Variants in PEBP4 observed in about 807,000 individuals in gnomAD.
The protein encoded by PEBP4 is phosphatidylethanolamine-binding protein 4.
Under a neutral mutation model 23.9 loss-of-function variants are expected in PEBP4, and 22 were observed. That is an observed-to-expected ratio of 0.92 (90% CI 0.66 to 1.31). The LOEUF (loss-of-function observed/expected upper bound fraction) is 1.31. PEBP4 is among the 40% of genes most tolerant of loss of function. PEBP4 has a pLI of 0.00. For synonymous variants in PEBP4, 112 were observed against 99.3 expected (o/e 1.13, Z -0.76); for missense variants, 324 against 281.7 (o/e 1.15, Z -1.07).
intron 3 of PEBP4, among the ~76,000 whole-genome samples, chr8:22,841,065 C>T (rs1476302077): frequency 6.6e-6 from 1 of 152,220 alleles, no homozygotes; most frequent in Non-Finnish European, 1.5e-5. Flanking sequence ...CCCTCATATC[C>T]CCTGACGCAT....
chr8:22,794,357 T>C (rs917474932), intron 4 of PEBP4, among the ~76,000 whole-genome samples: 2 of 152,148 alleles, frequency 1.3e-5, no homozygotes, highest in African/African-American at 2.4e-5. Flanking sequence ...AGTAGCTCAA[T>C]CTCTGCTCAC....
upstream of PEBP4, among the ~76,000 whole-genome samples, chr8:22,929,861 G>A (rs897261865): frequency 2.6e-5 from 4 of 152,096 alleles, no homozygotes; most frequent in Non-Finnish European, 4.4e-5. Context: ...GGCACACCAC[G>A]GCTCTGGCTA....
intron 3 of PEBP4, among the ~76,000 whole-genome samples, chr8:22,897,405 CTA>C (rs1477292114): frequency 6.6e-6 from 1 of 152,152 alleles, no homozygotes; most frequent in Admixed American, 6.5e-5. Flanking sequence ...AAAGGACACA[CTA>C]TGTGGAGTAC....
At chr8:22,870,846 C>T (rs1404201157) in intron 3 of PEBP4, among the ~76,000 whole-genome samples, 8 of 152,172 alleles carry the variant, frequency 5.3e-5, no homozygotes, top group Non-Finnish European at 1.2e-4. Context: ...TACTTCTCAC[C>T]TATCCAGAGA....
intron 4 of PEBP4, among the ~76,000 whole-genome samples, chr8:22,791,451 C>T (rs1478329069): frequency 6.6e-6 from 1 of 152,034 alleles, no homozygotes; most frequent in East Asian, 1.9e-4. Context: ...TGACACCATC[C>T]AAATTCTATT....
intron 4 of PEBP4, chr8:22,757,316 T>C (rs1020613100): frequency 1.3e-5 from 2 of 152,262 alleles, no homozygotes; most frequent in African/African-American, 4.8e-5. Flanking sequence ...TCTGACACAC[T>C]GCCTTCCCAT....
At chr8:22,717,613 C>A (rs780490280) in intron 6 of PEBP4, among the ~76,000 whole-genome samples, 1 of 152,186 alleles carries the variant, frequency 6.6e-6, no homozygotes, top group African/African-American at 2.4e-5. Flanking sequence ...GTTGGAGCTG[C>A]GGCAGCCTCT....
chr8:22,923,508 A>G (rs1041245051), intron 2 of PEBP4, among the ~76,000 whole-genome samples: 6 of 152,076 alleles, frequency 3.9e-5, no homozygotes, highest in African/African-American at 9.7e-5. Flanking sequence ...TCAAGGTTGC[A>G]GTGAGCCATG....
chr8:22,791,313 TG>T (rs1806135920), intron 4 of PEBP4, among the ~76,000 whole-genome samples: 1 of 152,060 alleles, frequency 6.6e-6, no homozygotes, highest in African/African-American at 2.4e-5. Flanking sequence ...CACCCGCAAA[TG>T]GTAGAGAGAG....
At chr8:22,909,218 G>A (rs142804252) in intron 3 of PEBP4, among the ~76,000 whole-genome samples, 511 of 152,218 alleles carry the variant, frequency 3.4e-3, no homozygotes, top group African/African-American at 0.01. Context: ...GGCGATCTCC[G>A]CCTACCCGCC....
chr8:22,728,545 T>G (rs1399540314), intron 4 of PEBP4, among the ~76,000 whole-genome samples: 2 of 89,794 alleles, frequency 2.2e-5, no homozygotes, highest in Non-Finnish European at 5.2e-5. Flanking sequence ...TCTTCCTTCC[T>G]TTCTTTCTTT....
At chr8:22,768,507 G>A (rs1049605890) in intron 4 of PEBP4, among the ~76,000 whole-genome samples, 3 of 152,218 alleles carry the variant, frequency 2.0e-5, no homozygotes, top group South Asian at 2.1e-4. Flanking sequence ...AAGGCCCCAC[G>A]GTGCTGAGGT....
intron 4 of PEBP4, among the ~76,000 whole-genome samples, chr8:22,768,301 T>G (rs1489122317): frequency 6.6e-6 from 1 of 152,154 alleles, no homozygotes; most frequent in East Asian, 1.9e-4. Context: ...TTAGTGCCAG[T>G]GCTTGCAGAG....
In PEBP4 at chr8:22,874,346, A is replaced by C. The variant is rs528893261; in HGVS notation, c.258+45838T>G. ...TTGACACTCAAAAGCCCGAAAAGCA[A>C]TATCCCGCACTATAATACCCCTGCC... On this transcript the variant is annotated intron_variant, in intron 3 of 6. Coordinates refer to ENST00000256404, the MANE Select transcript of PEBP4 (RefSeq NM_144962.3). Among the ~76,000 whole-genome samples, 7 of 152,342 alleles carry C rather than the reference A, an allele frequency of 4.6e-5. No individual in the cohort carries two copies. In the East Asian group the frequency reaches 1.3e-3, roughly 29 times the overall value.
rs535543169 is a variant in PEBP4, at chr8:22,730,702, G to T, written c.358-3482C>A. On this transcript the variant is annotated intron_variant, in intron 4 of 6. Coordinates refer to ENST00000256404, the MANE Select transcript of PEBP4 (RefSeq NM_144962.3). ...GCTGGGCTAGGAAAGTGCCCTGGGA[G>T]GAGGGGGTACCAGCCCAGCATTTGA... Among the ~76,000 whole-genome samples the T allele has an allele frequency of 7.9e-5, 12 of 152,340 alleles. No individual in the cohort carries two copies. The East Asian group carries it at 1.4e-3, about 17-fold the overall frequency.
At chr8:22,717,667 G>A (rs989209712) in intron 6 of PEBP4, among the ~76,000 whole-genome samples, 7 of 152,296 alleles carry the variant, frequency 4.6e-5, no homozygotes, top group African/African-American at 1.2e-4. Flanking sequence ...ACTGGTTCTG[G>A]CTCCGGCTCC....
At chr8:22,830,291 G>A (rs1436007571) in intron 3 of PEBP4, among the ~76,000 whole-genome samples, 4 of 149,870 alleles carry the variant, frequency 2.7e-5, no homozygotes, top group Admixed American at 2.0e-4. Context: ...CACCACGCCT[G>A]GCTAATTTTT....
intron 4 of PEBP4, among the ~76,000 whole-genome samples, chr8:22,735,704 C>T (rs1236078382): frequency 6.6e-6 from 1 of 152,188 alleles, no homozygotes; most frequent in African/African-American, 2.4e-5. Context: ...GCTGCCTTCC[C>T]TGTCAAGAGA....
At chr8:22,803,666 AAAT>A (rs1481897117) in intron 4 of PEBP4, among the ~76,000 whole-genome samples, 2 of 152,068 alleles carry the variant, frequency 1.3e-5, no homozygotes, top group African/African-American at 2.4e-5. Context: ...TCCAACTAAA[AAAT>A]AATAATAAAA....
Sources: gnomAD v4.1 joint callset for allele counts (sites outside exome capture counted in the v4.1 genomes callset) on GRCh38, gnomAD v4.1.1 for gene constraint, MANE v1.5 for transcripts, NCBI Gene and HGNC (gene_info 2026-07-23, HGNC 2026-07-21) for gene names.